Variants in SH3RF3 observed in about 807,000 individuals in gnomAD.
SH3RF3 encodes the protein E3 ubiquitin-protein ligase SH3RF3.
In SH3RF3, 29 loss-of-function variants were observed where a neutral mutation model predicts 66.3. The observed-to-expected ratio is 0.44, with a 90% CI of 0.33 to 0.60. SH3RF3 has a LOEUF of 0.60. Among genes scored for constraint, SH3RF3 ranks in the 20% least tolerant of loss-of-function variants. The pLI is 0.04. For synonymous variants in SH3RF3, 583 were observed against 532.0 expected (o/e 1.10, Z -1.32); for missense variants, 1,194 against 1,190.9 (o/e 1.00, Z -0.04).
At chr2:109,489,960 A>T (rs940520303) in intron 8 of SH3RF3, among the ~76,000 whole-genome samples, 5 of 151,974 alleles carry the variant, frequency 3.3e-5, no homozygotes, top group Admixed American at 3.3e-4. Context: ...CTGGTCTCGA[A>T]CTCCTGACCT....
chr2:109,255,933 A>C (rs932909900), intron 1 of SH3RF3, among the ~76,000 whole-genome samples: 3 of 152,174 alleles, frequency 2.0e-5, no homozygotes, highest in African/African-American at 7.2e-5. Context: ...AAGGAAGGGG[A>C]AGAGGAAGTG....
rs566247878 is a variant in SH3RF3 at position 109,411,173 on chromosome 2, G to A, written c.1300-8366G>A. Among the ~76,000 whole-genome samples, 16 of 152,322 alleles carry A rather than the reference G, an allele frequency of 1.1e-4. No homozygotes were observed. In the South Asian group the frequency reaches 2.1e-3, roughly 20 times the overall value. Reference sequence around the variant, plus strand: ...GTCACAGTCAGCAACTCTCAACCTCGTTATGAATACTTCAGGGGAGAGGCG... The same window carrying A: ...GTCACAGTCAGCAACTCTCAACCTCATTATGAATACTTCAGGGGAGAGGCG... On this transcript the variant is annotated intron_variant, in intron 4 of 9. Coordinates refer to ENST00000309415, the MANE Select transcript of SH3RF3 (RefSeq NM_001099289.3).
intron 3 of SH3RF3, among the ~76,000 whole-genome samples, chr2:109,376,859 A>G (rs1188851040): frequency 6.6e-6 from 1 of 152,166 alleles, no homozygotes; most frequent in East Asian, 1.9e-4. Flanking sequence ...GGGAGGAAGA[A>G]CCCCTTCCTT....
At chr2:109,318,264 C>G (rs1321579213) in intron 1 of SH3RF3, among the ~76,000 whole-genome samples, 1 of 152,050 alleles carries the variant, frequency 6.6e-6, no homozygotes, top group Non-Finnish European at 1.5e-5. Context: ...AGCGCAGCCC[C>G]AGATGTTCGG....
At chr2:109,379,475 A>G (rs982408835) in intron 3 of SH3RF3, among the ~76,000 whole-genome samples, 11 of 152,296 alleles carry the variant, frequency 7.2e-5, no homozygotes, top group African/African-American at 2.6e-4. Context: ...TTCTGCTGAC[A>G]GATGTGGCCG....
chr2:109,497,853 A>G (rs1573299249), intron 9 of SH3RF3, among the ~76,000 whole-genome samples: 1 of 152,274 alleles, frequency 6.6e-6, no homozygotes, highest in African/African-American at 2.4e-5. Context: ...AGTTGAGGCA[A>G]AAGCCAAAAC....
chr2:109,339,020 T>C (rs1296134005), intron 1 of SH3RF3, among the ~76,000 whole-genome samples: 1 of 152,206 alleles, frequency 6.6e-6, no homozygotes, highest in Non-Finnish European at 1.5e-5. Context: ...TAAAAAATTG[T>C]AAGGAAGAGA....
Position 109,185,281 on chromosome 2 carries a change from G to C in SH3RF3, c.573+55168G>C, listed in dbSNP as rs566143915. Among the ~76,000 whole-genome samples the C allele has an allele frequency of 4.6e-5, 7 of 152,336 alleles. No individual in the cohort carries two copies. The South Asian group carries it at 1.2e-3, about 27-fold the overall frequency. ...AGGTAAGGCATCTTTCCTAATCGAT[G>C]TGAATAAAATCCCATGTAAGAGGAG... is the stretch of plus-strand genomic sequence containing the variant. On this transcript the variant is annotated intron_variant, in intron 1 of 9. Coordinates refer to ENST00000309415, the MANE Select transcript of SH3RF3 (RefSeq NM_001099289.3).
chr2:109,360,822 C>T (rs1448895644), intron 2 of SH3RF3, among the ~76,000 whole-genome samples: 2 of 152,092 alleles, frequency 1.3e-5, no homozygotes, highest in Non-Finnish European at 2.9e-5. Context: ...CTTTTCTTGT[C>T]TTATTGTATT....
At chr2:109,354,463 G>A (rs1682904994) in intron 2 of SH3RF3, among the ~76,000 whole-genome samples, 1 of 152,252 alleles carries the variant, frequency 6.6e-6, no homozygotes, top group Admixed American at 6.5e-5. Flanking sequence ...GGCAGGGACT[G>A]CTTCTGGCAT....
At chr2:109,435,405 G>A (rs928971719) in intron 6 of SH3RF3, among the ~76,000 whole-genome samples, 3 of 152,220 alleles carry the variant, frequency 2.0e-5, no homozygotes, top group Admixed American at 6.5e-5. Context: ...GTGATTGGAG[G>A]GTAGGCGAAG....
intron 8 of SH3RF3, among the ~76,000 whole-genome samples, chr2:109,468,300 G>A (rs1256834872): frequency 6.6e-6 from 1 of 152,182 alleles, no homozygotes; most frequent in African/African-American, 2.4e-5. Context: ...GGCAAGTACC[G>A]TGTGTCTAAA....
intron 3 of SH3RF3, among the ~76,000 whole-genome samples, chr2:109,376,110 T>G (rs979926120): frequency 6.6e-6 from 1 of 152,152 alleles, no homozygotes; most frequent in Non-Finnish European, 1.5e-5. Flanking sequence ...GTGGTGGTGG[T>G]GTAAATGTTT....
chr2:109,451,317 A>G (rs1677860315), intron 8 of SH3RF3, among the ~76,000 whole-genome samples: 1 of 152,154 alleles, frequency 6.6e-6, no homozygotes, highest in Non-Finnish European at 1.5e-5. Flanking sequence ...GGGTCTCATC[A>G]GGAGGGAGAG....
Position 109,449,345 on chromosome 2 carries a change from C to T in SH3RF3, c.2004C>T (p.Leu668=), listed in dbSNP as rs892158192. Residue 668 remains leucine (L), a synonymous_variant, in exon 8 of 10, where the codon CTC becomes CTT. Coordinates refer to ENST00000309415, the MANE Select transcript of SH3RF3 (RefSeq NM_001099289.3). ...VQMCPRPAIP[L]TSAASAITPP... ...TGTGCCCACGGCCGGCCATCCCCCT[C>T]ACATCAGCAGCATCAGCCATCACAC... 6.2e-7 allele frequency: 1 copy of T among 1,607,178 alleles called. No homozygotes were observed. Among genetic ancestry groups the T allele is most frequent in the Non-Finnish European group, 8.5e-7 (1 of 1,176,112 alleles).
At chr2:109,250,518 G>A (rs1322719652) in intron 1 of SH3RF3, among the ~76,000 whole-genome samples, 1 of 151,734 alleles carries the variant, frequency 6.6e-6, no homozygotes, top group East Asian at 1.9e-4. Flanking sequence ...TAATGGACTG[G>A]ATTTTAAAGG....
At chr2:109,391,545 T>A (rs1384874455) in intron 3 of SH3RF3, among the ~76,000 whole-genome samples, 1 of 152,112 alleles carries the variant, frequency 6.6e-6, no homozygotes, top group Non-Finnish European at 1.5e-5. Context: ...AAGGGGGGAA[T>A]CTCCTCCAGG....
chr2:109,428,258 A>T (rs1315738385), intron 5 of SH3RF3, among the ~76,000 whole-genome samples: 1 of 152,252 alleles, frequency 6.6e-6, no homozygotes, highest in African/African-American at 2.4e-5. Context: ...TAGAGGAGAA[A>T]GGGGATGAAA....
intron 8 of SH3RF3, among the ~76,000 whole-genome samples, chr2:109,458,599 A>AGAGAGAGAGAGAGAGAGG (rs1334722012): frequency 6.6e-6 from 1 of 150,484 alleles, no homozygotes. Flanking sequence ...AGAGAGAGAG[A>AGAGAGAGAGAGAGAGAGG]GAATTTATTT....
Sources: allele counts gnomAD v4.1 joint callset (sites outside exome capture counted in the v4.1 genomes callset), GRCh38; gene constraint gnomAD v4.1.1; transcripts MANE v1.5; gene names NCBI Gene and HGNC (gene_info 2026-07-23, HGNC 2026-07-21).